Variants in RAD23B observed in about 807,000 individuals in gnomAD.
The protein encoded by RAD23B is lysine-specific demethylase RAD23B.
In RAD23B, 5 loss-of-function variants were observed where a neutral mutation model predicts 49.1. The ratio of observed to expected loss-of-function variants is 0.10; its 90% CI spans 0.05 to 0.21. RAD23B has a LOEUF of 0.21. RAD23B is among the 10% of genes least tolerant of loss of function. The pLI is 1.00. For synonymous variants in RAD23B, 184 were observed against 165.4 expected (o/e 1.11, Z -0.86); for missense variants, 356 against 486.7 (o/e 0.73, Z 2.53).
intron 9 of RAD23B, among the ~76,000 whole-genome samples, chr9:107,326,745 T>C (rs1827214382): frequency 7.0e-6 from 1 of 142,428 alleles, no homozygotes; most frequent in African/African-American, 2.6e-5. Context: ...ACCATTCTCC[T>C]GCCTCAGCCT....
At chr9:107,309,512 CTAA>C (rs1166732823) in intron 4 of RAD23B, among the ~76,000 whole-genome samples, 5 of 152,166 alleles carry the variant, frequency 3.3e-5, no homozygotes, top group Admixed American at 2.0e-4. Context: ...TGACATATAA[CTAA>C]TGAGTGGTTT....
intron 4 of RAD23B, among the ~76,000 whole-genome samples, 171 bp from the exon 5 acceptor site, chr9:107,311,511 T>G (rs1288186030): frequency 6.6e-6 from 1 of 152,232 alleles, no homozygotes; most frequent in Non-Finnish European, 1.5e-5. Context: ...ACAAATGTTG[T>G]AGATAAAGCT....
At chr9:107,313,824 A>AC (rs1238958112) in intron 5 of RAD23B, among the ~76,000 whole-genome samples, 2 of 151,258 alleles carry the variant, frequency 1.3e-5, no homozygotes, top group Admixed American at 1.3e-4. Flanking sequence ...TCATTCATCC[A>AC]CCCTCTGCCT....
At chr9:107,312,552 CAT>C (rs1004396793) in intron 5 of RAD23B, among the ~76,000 whole-genome samples, 5 of 151,708 alleles carry the variant, frequency 3.3e-5, no homozygotes, top group African/African-American at 4.8e-5. Context: ...ATGGCATGTA[CAT>C]TTAGTGGCAA....
At chr9:107,296,614 T>C (rs964300820) in intron 1 of RAD23B, among the ~76,000 whole-genome samples, 5 of 152,120 alleles carry the variant, frequency 3.3e-5, no homozygotes, top group African/African-American at 9.7e-5. Context: ...TCACCCAGGC[T>C]AGAGTGCAGT....
intron 4 of RAD23B, among the ~76,000 whole-genome samples, chr9:107,309,124 C>CA (rs1404488963): frequency 6.6e-6 from 1 of 152,174 alleles, no homozygotes; most frequent in African/African-American, 2.4e-5. Context: ...CAGGACTACT[C>CA]AAAGTGTGGT....
intron 5 of RAD23B, among the ~76,000 whole-genome samples, chr9:107,316,015 A>ATT (rs112565231): frequency 7.0e-6 from 1 of 143,744 alleles, no homozygotes. Flanking sequence ...ACTTTTACGA[A>ATT]TTTTTTTTTT....
intron 1 of RAD23B, among the ~76,000 whole-genome samples, chr9:107,297,586 G>T (rs1472255619): frequency 6.6e-6 from 1 of 152,122 alleles, no homozygotes; most frequent in African/African-American, 2.4e-5. Flanking sequence ...TGATCCGTCT[G>T]CCTTGGCCTC....
chr9:107,294,196 G>A (rs1309952375), intron 1 of RAD23B, among the ~76,000 whole-genome samples: 1 of 152,104 alleles, frequency 6.6e-6, no homozygotes, highest in Non-Finnish European at 1.5e-5. Context: ...GAAAAACCAT[G>A]CCCATCATGT....
intron 5 of RAD23B, among the ~76,000 whole-genome samples, chr9:107,312,619 T>G (rs1430199257): frequency 6.6e-6 from 1 of 152,198 alleles, no homozygotes; most frequent in Non-Finnish European, 1.5e-5. Context: ...CAGATTTTCA[T>G]CTTTGAGGAG....
Position 107,300,929 on chromosome 9 carries a change from C to T in RAD23B, c.148+707C>T, listed in dbSNP as rs118162536. ...GAAATGCTAACCTGGTGATTCAGTCCCATTATTTTTATAGGTCAGAATTCA... is the reference window on the plus strand; with the variant it reads ...GAAATGCTAACCTGGTGATTCAGTCTCATTATTTTTATAGGTCAGAATTCA... On this transcript the variant is annotated intron_variant, in intron 2 of 9. Coordinates refer to ENST00000358015, the MANE Select transcript of RAD23B (RefSeq NM_002874.5). 2.5e-3 allele frequency among the ~76,000 whole-genome samples: 384 copies of T among 152,142 alleles called. 1 individual carries two copies. The highest frequency in any genetic ancestry group is 4.2e-3 in the Non-Finnish European group (286 of 67,982).
At chr9:107,324,767 A>G in intron 8 of RAD23B, 67 bp from the exon 9 acceptor site, 1 of 1,411,782 alleles carries the variant, frequency 7.1e-7, no homozygotes. Context: ...AATATTTAGA[A>G]TTTCTCTGTT....
At chr9:107,315,548 T>C (rs1255394394) in intron 5 of RAD23B, among the ~76,000 whole-genome samples, 1 of 152,124 alleles carries the variant, frequency 6.6e-6, no homozygotes, top group Admixed American at 6.6e-5. Flanking sequence ...CTCTCTCTCT[T>C]TGTCACCCAG....
At chr9:107,298,956 A>G (rs1334588900) in intron 1 of RAD23B, among the ~76,000 whole-genome samples, 2 of 152,162 alleles carry the variant, frequency 1.3e-5, no homozygotes, top group African/African-American at 4.8e-5. Context: ...CAGTGATGCT[A>G]CTGACCCATT....
intron 6 of RAD23B, among the ~76,000 whole-genome samples, chr9:107,321,602 T>G (rs1208930082): frequency 6.6e-6 from 1 of 152,194 alleles, no homozygotes; most frequent in Non-Finnish European, 1.5e-5. Context: ...AACTAATAGG[T>G]AGCACAAAAA....
rs1827291334 is a variant in RAD23B, at chr9:107,330,752, A to G, written c.*1096A>G. The G allele has an allele frequency of 6.5e-6, 1 of 152,698 alleles. No individual in the cohort carries two copies. Among genetic ancestry groups the G allele is most frequent in the African/African-American group, 2.4e-5 (1 of 41,472 alleles). The allele number at this position is 152,698 out of a possible 1,614,324, so 9.5% of individuals were successfully genotyped here. A position where few individuals can be genotyped will look rare whatever the true frequency, so the allele number is the denominator to read the frequency against. On this transcript the variant is annotated 3_prime_UTR_variant, in exon 10 of 10. Coordinates refer to ENST00000358015, the MANE Select transcript of RAD23B (RefSeq NM_002874.5). The surrounding 1 kb of genome is among the most constrained non-coding windows in gnomAD (Gnocchi z 4.4). ...TGCTTTCAAAAAGAAATGGTAGACA[A>G]AACTATAATCCAGCATCTTTTATTG...
At chr9:107,304,281 A>G (rs1489202039) in intron 3 of RAD23B, among the ~76,000 whole-genome samples, 2 of 152,226 alleles carry the variant, frequency 1.3e-5, no homozygotes, top group Non-Finnish European at 2.9e-5. Flanking sequence ...ACAATTAAGG[A>G]AAATATTAAA....
At chr9:107,292,339 T>G (rs187715109) in intron 1 of RAD23B, among the ~76,000 whole-genome samples, 168 of 152,326 alleles carry the variant, frequency 1.1e-3, no homozygotes, top group African/African-American at 3.8e-3. Context: ...TAGCATTGAT[T>G]TCTAGATGCG....
At position 107,331,222 on chromosome 9, in the gene RAD23B, G is replaced by T. The variant is rs751923971; in HGVS notation, c.*1566G>T. The T allele has an allele frequency of 1.3e-5, 2 of 155,294 alleles. No individual in the cohort carries two copies. Among genetic ancestry groups the T allele is most frequent in the Non-Finnish European group, 2.9e-5 (2 of 70,146 alleles). 9.6% of individuals were successfully genotyped at this position (155,294 alleles called of 1,614,324 possible). A position where few individuals can be genotyped will look rare whatever the true frequency, so the allele number is the denominator to read the frequency against. ...CCTATTATGAAAATAAATGAAACTG[G>T]CTGGGTATGGTGGCTCATGCCTATA... On this transcript the variant is annotated 3_prime_UTR_variant, in exon 10 of 10. Transcript: ENST00000358015.
Sources: gnomAD v4.1 joint callset for allele counts (sites outside exome capture counted in the v4.1 genomes callset) on GRCh38, gnomAD v4.1.1 for gene constraint, Gnocchi (gnomAD v3.1) non-coding constraint, MANE v1.5 for transcripts, NCBI Gene and HGNC (gene_info 2026-07-23, HGNC 2026-07-21) for gene names.